Variants in PAPPA2 observed in about 807,000 individuals in gnomAD.
PAPPA2 encodes pappalysin-2.
In PAPPA2, 86 loss-of-function variants were observed where a neutral mutation model predicts 176.4. The ratio of observed to expected loss-of-function variants is 0.49; its 90% CI spans 0.41 to 0.58. The LOEUF (loss-of-function observed/expected upper bound fraction) is 0.58. Ranked by LOEUF, PAPPA2 falls within the 20% of genes least tolerant of loss-of-function variation. The pLI is 0.00. For synonymous variants in PAPPA2, 809 were observed against 852.2 expected, an observed-to-expected ratio of 0.95 and a Z score of 0.88; for missense variants, 2,073 against 2,256.9, an observed-to-expected ratio of 0.92 and a Z score of 1.65.
chr1:176,573,184 C>A (rs1056325945), intron 2 of PAPPA2, among the ~76,000 whole-genome samples: 3 of 152,060 alleles, frequency 2.0e-5, no homozygotes, highest in African/African-American at 7.2e-5. Flanking sequence ...CACTTCACAC[C>A]CCCTAAGGTG....
In PAPPA2 at chr1:176,769,600, T is replaced by C. The variant is rs771538782; in HGVS notation, c.4324-7T>C. On this transcript the variant is annotated splice_polypyrimidine_tract_variant and splice_region_variant and intron_variant, in intron 15 of 22. Transcript: ENST00000367662. ...GACTTTGACAGAAGCAATTTCTCTG[T>C]TTCTAGAAGGAAATTCTGCTCACAT... 6.2e-7 allele frequency: 1 copy of C among 1,612,706 alleles called. No homozygotes were observed. Among genetic ancestry groups the C allele is most frequent in the Admixed American group, 1.7e-5 (1 of 59,706 alleles).
chr1:176,730,983 T>A (rs1408445676), intron 12 of PAPPA2, among the ~76,000 whole-genome samples: 1 of 152,094 alleles, frequency 6.6e-6, no homozygotes, highest in Non-Finnish European at 1.5e-5. Flanking sequence ...TATTAGGAAG[T>A]ACTTAAATAG....
intron 3 of PAPPA2, among the ~76,000 whole-genome samples, chr1:176,667,990 G>GT (rs1357538308): frequency 6.6e-6 from 1 of 152,152 alleles, no homozygotes; most frequent in Non-Finnish European, 1.5e-5. Context: ...CATGGCAGAA[G>GT]CCAGAGAGAA....
chr1:176,468,432 T>C (rs1275292004), intron 1 of PAPPA2, among the ~76,000 whole-genome samples: 1 of 152,180 alleles, frequency 6.6e-6, no homozygotes, highest in Non-Finnish European at 1.5e-5. Context: ...CAAATTCACA[T>C]TGCCAACTCT....
intron 2 of PAPPA2, among the ~76,000 whole-genome samples, chr1:176,581,922 C>CTTTTTTTTTTTTTTTTTTTTT (rs538920194): frequency 1.2e-5 from 1 of 80,996 alleles, no homozygotes; most frequent in East Asian, 2.7e-4. Context: ...TTCTTTCTTT[C>CTTTTTTTTTTTTTTTTTTTTT]TTTTTTTTTT....
Position 176,702,603 on chromosome 1 carries a change from A to C in PAPPA2, c.3237-4A>C, listed in dbSNP as rs1207569657. On this transcript the variant is annotated splice_polypyrimidine_tract_variant and splice_region_variant and intron_variant, in intron 8 of 22. Coordinates refer to ENST00000367662, the MANE Select transcript of PAPPA2 (RefSeq NM_020318.3). The stretch of plus-strand genomic sequence containing the variant: ...AGTGGTCACAAACCCTTTGGTTTCC[A>C]CAGGGAGGTCACACCTGGACAGATG... 6 of 1,613,792 alleles carry C rather than the reference A, an allele frequency of 3.7e-6. No homozygotes were observed. The highest frequency in any genetic ancestry group is 1.3e-5 in the African/African-American group (1 of 74,926).
At chr1:176,605,652 A>G (rs1404910090) in intron 3 of PAPPA2, among the ~76,000 whole-genome samples, 1 of 152,174 alleles carries the variant, frequency 6.6e-6, no homozygotes, top group Non-Finnish European at 1.5e-5. Context: ...CTTGGTTCAA[A>G]TTCTGAGGAC....
rs975223695 is a variant in PAPPA2 at position 176,476,965 on chromosome 1, G to A, written c.-917+13547G>A. On this transcript the variant is annotated intron_variant, in intron 1 of 22. Coordinates refer to ENST00000367662, the MANE Select transcript of PAPPA2 (RefSeq NM_020318.3). ...CATGTTGGTGAGACACCGGGACCTCGAAAATCCTCTAAATGGTTTTACAGG... is the reference window on the plus strand; with the variant it reads ...CATGTTGGTGAGACACCGGGACCTCAAAAATCCTCTAAATGGTTTTACAGG... Among the ~76,000 whole-genome samples the A allele has an allele frequency of 2.6e-5, 4 of 152,100 alleles. No homozygotes were observed. The South Asian group carries it at 8.3e-4, about 32-fold the overall frequency.
chr1:176,602,304 C>T (rs535912581), intron 3 of PAPPA2, among the ~76,000 whole-genome samples: 1 of 152,288 alleles, frequency 6.6e-6, no homozygotes, highest in South Asian at 2.1e-4. Flanking sequence ...GCACACTCCC[C>T]TCTAAAGAAG....
chr1:176,826,134 T>C (rs1666856678), intron 21 of PAPPA2, among the ~76,000 whole-genome samples: 1 of 152,156 alleles, frequency 6.6e-6, no homozygotes, highest in Non-Finnish European at 1.5e-5. Flanking sequence ...GGTAGTGTGA[T>C]TCTAGAGTCC....
intron 1 of PAPPA2, among the ~76,000 whole-genome samples, chr1:176,515,125 G>A (rs1572989264): frequency 6.6e-6 from 1 of 152,150 alleles, no homozygotes; most frequent in Non-Finnish European, 1.5e-5. Context: ...TACCTCCTAA[G>A]AGTAATGAGA....
chr1:176,629,964 C>A (rs1030954803), intron 3 of PAPPA2, among the ~76,000 whole-genome samples: 2 of 151,996 alleles, frequency 1.3e-5, no homozygotes, highest in African/African-American at 2.4e-5. Flanking sequence ...GAGGCTGGGG[C>A]AGGAGAATCG....
At chr1:176,809,864 C>T (rs1057429978) in intron 21 of PAPPA2, among the ~76,000 whole-genome samples, 4 of 151,914 alleles carry the variant, frequency 2.6e-5, no homozygotes, top group Non-Finnish European at 4.4e-5. Context: ...GTGGCAATCA[C>T]GGGCTTCTGC....
In PAPPA2 at chr1:176,550,089, A is replaced by T. The variant is rs183059544; in HGVS notation, c.-916-5318A>T. 1.6e-3 allele frequency among the ~76,000 whole-genome samples: 242 copies of T among 152,378 alleles called. 1 individual carries two copies. The highest frequency in any genetic ancestry group is 5.7e-3 in the African/African-American group (237 of 41,590). ...CTTTTTCAGAATGTCATAGAAATGGAATCGCACAGTTTGCAGCCCTTTAAG... is the reference window on the plus strand; with the variant it reads ...CTTTTTCAGAATGTCATAGAAATGGTATCGCACAGTTTGCAGCCCTTTAAG... On this transcript the variant is annotated intron_variant, in intron 1 of 22. Transcript: ENST00000367662.
intron 2 of PAPPA2, among the ~76,000 whole-genome samples, chr1:176,588,595 C>G (rs1653466968): frequency 6.6e-6 from 1 of 152,150 alleles, no homozygotes; most frequent in African/African-American, 2.4e-5. Flanking sequence ...GTAATTCGTG[C>G]TAGTGATTTT....
intron 15 of PAPPA2, among the ~76,000 whole-genome samples, chr1:176,768,742 G>C (rs1664087711): frequency 6.6e-6 from 1 of 152,168 alleles, no homozygotes; most frequent in Non-Finnish European, 1.5e-5. Context: ...TGAATTAGTA[G>C]CAGTGTGCTG....
chr1:176,544,555 C>G (rs139347138), intron 1 of PAPPA2, among the ~76,000 whole-genome samples: 1 of 152,112 alleles, frequency 6.6e-6, no homozygotes, highest in East Asian at 1.9e-4. Context: ...TACCTCTGGC[C>G]ACCAATTGAG....
At chr1:176,714,251 A>C (rs1661270908) in intron 12 of PAPPA2, among the ~76,000 whole-genome samples, 1 of 152,232 alleles carries the variant, frequency 6.6e-6, no homozygotes, top group Non-Finnish European at 1.5e-5. Flanking sequence ...AAGCCTGATG[A>C]GAAATAAAGG....
intron 21 of PAPPA2, among the ~76,000 whole-genome samples, chr1:176,835,865 C>A (rs899174424): frequency 6.6e-6 from 1 of 152,096 alleles, no homozygotes; most frequent in Admixed American, 6.5e-5. Context: ...TATCAGAGGT[C>A]CCTGAGGGGC....
Sources: allele counts gnomAD v4.1 joint callset (sites outside exome capture counted in the v4.1 genomes callset), GRCh38; gene constraint gnomAD v4.1.1; transcripts MANE v1.5; gene names NCBI Gene and HGNC (gene_info 2026-07-23, HGNC 2026-07-21).